Variants in BMPR1B observed in about 807,000 individuals in gnomAD.
BMPR1B encodes bone morphogenetic protein receptor type-1B.
BMPR1B carries 12 observed loss-of-function variants against 59.1 expected under a neutral mutation model. The ratio of observed to expected loss-of-function variants is 0.20; its 90% CI spans 0.13 to 0.33. The LOEUF (loss-of-function observed/expected upper bound fraction) is 0.33, where lower values mean the gene tolerates loss of function less well. Ranked by LOEUF, BMPR1B falls within the 10% of genes least tolerant of loss-of-function variation. The pLI is 1.00. For synonymous variants in BMPR1B, 237 were observed against 207.3 expected (o/e 1.14, Z -1.23); for missense variants, 550 against 610.9 (o/e 0.90, Z 1.05).
intron 4 of BMPR1B, 101 bp downstream of exon 4, chr4:95,104,668 C>T (rs1731075846): frequency 7.2e-7 from 1 of 1,393,252 alleles, no homozygotes; most frequent in East Asian, 2.3e-5. Context: ...TTTTAGAGAA[C>T]AATGCCTAAC....
At chr4:95,118,577 G>A (rs28673450) in intron 6 of BMPR1B, among the ~76,000 whole-genome samples, 1 of 152,028 alleles carries the variant, frequency 6.6e-6, no homozygotes. Flanking sequence ...ACCAGACTTC[G>A]CCCGGGAGTT....
At chr4:94,941,518 ATT>A (rs1729512752) in intron 2 of BMPR1B, among the ~76,000 whole-genome samples, 1 of 152,102 alleles carries the variant, frequency 6.6e-6, no homozygotes, top group African/African-American at 2.4e-5. Context: ...TAAAATCAAT[ATT>A]TTCTTTATAG....
At chr4:95,016,859 A>G (rs564655841) in intron 3 of BMPR1B, among the ~76,000 whole-genome samples, 53 of 152,318 alleles carry the variant, frequency 3.5e-4, no homozygotes, top group African/African-American at 1.2e-3. Context: ...ATAAAGCAAC[A>G]GTTTATACCA....
chr4:94,962,742 G>A (rs756457686), intron 2 of BMPR1B, among the ~76,000 whole-genome samples: 6 of 152,132 alleles, frequency 3.9e-5, no homozygotes, highest in African/African-American at 9.7e-5. Flanking sequence ...TGGACACTTA[G>A]GTTGATCTTG....
At chr4:94,783,760 G>C (rs76490967) in intron 1 of BMPR1B, among the ~76,000 whole-genome samples, 3 of 152,220 alleles carry the variant, frequency 2.0e-5, no homozygotes, top group Admixed American at 6.5e-5. Flanking sequence ...GCTGGGTGTA[G>C]AGCGTTTACC....
intron 1 of BMPR1B, among the ~76,000 whole-genome samples, chr4:94,818,726 T>G (rs1481714709): frequency 6.6e-6 from 1 of 152,224 alleles, no homozygotes; most frequent in Non-Finnish European, 1.5e-5. Flanking sequence ...TTGTGCATGA[T>G]TGAACCTGCA....
At chr4:94,907,946 A>G (rs1015339711) in intron 2 of BMPR1B, among the ~76,000 whole-genome samples, 1 of 150,356 alleles carries the variant, frequency 6.7e-6, no homozygotes, top group African/African-American at 2.4e-5. Flanking sequence ...GATATTTGGG[A>G]GGTTGAGGTG....
rs191243483 is a variant in BMPR1B, at chr4:94,796,774, A to G, written c.-183+38706A>G. Among the ~76,000 whole-genome samples the G allele has an allele frequency of 1.1e-3, 168 of 152,232 alleles. 1 individual carries two copies. Among genetic ancestry groups the G allele is most frequent in the Middle Eastern group, 0.01 (3 of 294 alleles). ...GTATATTTCCAAAGATTATTTTCCA[A>G]TGTCATTCAAAATTGTTGTGGGTGT... On this transcript the variant is annotated intron_variant, in intron 1 of 12. Transcript: ENST00000515059.
rs1399857898 is a variant in BMPR1B at position 95,157,832 on chromosome 4, CT to C, written c.*3160del. The C allele has an allele frequency of 6.6e-6, 1 of 152,102 alleles. No homozygotes were observed. Among genetic ancestry groups the C allele is most frequent in the East Asian group, 1.9e-4 (1 of 5,184 alleles). The allele number at this position is 152,102 out of a possible 1,614,324, so 9.4% of individuals were successfully genotyped here. ...CAGGCCTTTGACCTCCTGGAAAGCA[CT>C]GCTCAAAAGTCATTAGTGCCCATTT... On this transcript the variant is annotated 3_prime_UTR_variant, in exon 13 of 13. Coordinates refer to ENST00000515059, the MANE Select transcript of BMPR1B (RefSeq NM_001203.3).
chr4:95,136,943 CT>C (rs1483589421), intron 10 of BMPR1B, among the ~76,000 whole-genome samples: 1 of 151,948 alleles, frequency 6.6e-6, no homozygotes, highest in Non-Finnish European at 1.5e-5. Flanking sequence ...TATTTCTTGC[CT>C]TCTGCTAGCT....
chr4:94,930,085 A>G (rs2149032980), intron 2 of BMPR1B, among the ~76,000 whole-genome samples: 1 of 152,182 alleles, frequency 6.6e-6, no homozygotes, highest in East Asian at 1.9e-4. Flanking sequence ...TTAGGATTAC[A>G]TCGTTTTTCA....
chr4:94,764,810 G>C (rs1721909280), intron 1 of BMPR1B, among the ~76,000 whole-genome samples: 1 of 152,102 alleles, frequency 6.6e-6, no homozygotes, highest in African/African-American at 2.4e-5. Flanking sequence ...CAAATGCAGT[G>C]CATCTTTATA....
At chr4:95,079,058 C>G (rs1375172759) in intron 3 of BMPR1B, among the ~76,000 whole-genome samples, 1 of 152,178 alleles carries the variant, frequency 6.6e-6, no homozygotes, top group Non-Finnish European at 1.5e-5. Flanking sequence ...TGCGCCTAAC[C>G]AAAATCTCTA....
chr4:95,020,821 C>T (rs1010593316), intron 3 of BMPR1B, among the ~76,000 whole-genome samples: 1 of 152,258 alleles, frequency 6.6e-6, no homozygotes, highest in African/African-American at 2.4e-5. Context: ...GGCAATGCTC[C>T]TGCCTCAGCC....
chr4:94,980,363 C>A (rs1282554525), intron 2 of BMPR1B, among the ~76,000 whole-genome samples: 1 of 152,158 alleles, frequency 6.6e-6, no homozygotes, highest in African/African-American at 2.4e-5. Context: ...CAACCACTCA[C>A]CCTCTGGTAA....
intron 6 of BMPR1B, among the ~76,000 whole-genome samples, chr4:95,123,507 T>C (rs1732677354): frequency 6.6e-6 from 1 of 152,162 alleles, no homozygotes; most frequent in South Asian, 2.1e-4. Context: ...CTATTGTGGG[T>C]GCACAGACCC....
rs1214729418 is a variant in BMPR1B at position 95,039,423 on chromosome 4, T to TC, written c.-18+43289_-18+43290insC. 7.7e-4 allele frequency among the ~76,000 whole-genome samples: 62 copies of TC among 80,684 alleles called. 1 individual carries two copies. Among genetic ancestry groups the TC allele is most frequent in the South Asian group, 3.7e-3 (6 of 1,622 alleles). 52.9% of individuals were successfully genotyped at this position (80,684 alleles called of 152,430 possible). On this transcript the variant is annotated intron_variant, in intron 3 of 12. Transcript: ENST00000515059. ...ACATGGGGTTCATTTTACTTCTTCTTTTTTTTTTTTTTTTTACACAATCTA... is the reference window on the plus strand; with the variant it reads ...ACATGGGGTTCATTTTACTTCTTCTTCTTTTTTTTTTTTTTTACACAATCTA...
intron 12 of BMPR1B, among the ~76,000 whole-genome samples, chr4:95,154,157 C>A (rs1212963928): frequency 6.6e-6 from 1 of 152,158 alleles, no homozygotes; most frequent in East Asian, 1.9e-4. Flanking sequence ...CTGCAGCAGA[C>A]AGCTATGATT....
At chr4:94,828,441 G>A (rs1724459937) in intron 1 of BMPR1B, among the ~76,000 whole-genome samples, 1 of 152,108 alleles carries the variant, frequency 6.6e-6, no homozygotes, top group Non-Finnish European at 1.5e-5. Context: ...TTTCCACAGT[G>A]TATTCTACAG....
Sources: gnomAD v4.1 joint callset for allele counts (sites outside exome capture counted in the v4.1 genomes callset) on GRCh38, gnomAD v4.1.1 for gene constraint, MANE v1.5 for transcripts, NCBI Gene and HGNC (gene_info 2026-07-23, HGNC 2026-07-21) for gene names.